Variants in MDGA2 observed in about 807,000 individuals in gnomAD.
The protein encoded by MDGA2 is MAM domain-containing glycosylphosphatidylinositol anchor protein 2.
MDGA2 carries 40 observed loss-of-function variants against 117.8 expected under a neutral mutation model. That is an observed-to-expected ratio of 0.34 (90% CI 0.26 to 0.44). MDGA2 has a LOEUF of 0.44. Ranked by LOEUF, MDGA2 falls within the 20% of genes least tolerant of loss-of-function variation. The pLI is 1.00. For synonymous variants in MDGA2, 452 were observed against 439.0 expected (o/e 1.03, Z -0.37); for missense variants, 1,123 against 1,250.6 (o/e 0.90, Z 1.54).
In MDGA2 at chr14:47,340,225, G is replaced by A. The variant is rs1007889909; in HGVS notation, c.281-38675C>T. On this transcript the variant is annotated intron_variant, in intron 1 of 16. Transcript: ENST00000399232. ...TCAGCACAACCAGAGATCACAGCAG[G>A]ATATACTCAATTGGAATGATTCTGG... is the stretch of plus-strand genomic sequence containing the variant. Among the ~76,000 whole-genome samples the A allele has an allele frequency of 3.3e-5, 5 of 152,110 alleles. No individual in the cohort carries two copies. In the East Asian group the frequency reaches 7.8e-4, roughly 24 times the overall value.
chr14:47,538,103 C>T (rs2138748071), intron 1 of MDGA2, among the ~76,000 whole-genome samples: 1 of 152,312 alleles, frequency 6.6e-6, no homozygotes, highest in South Asian at 2.1e-4. Flanking sequence ...TTGCTAGACT[C>T]TTTTAAGTCC....
intron 2 of MDGA2, among the ~76,000 whole-genome samples, chr14:47,229,783 A>T (rs535269982): frequency 2.6e-5 from 4 of 152,096 alleles, no homozygotes; most frequent in Admixed American, 2.0e-4. Context: ...TGTCATTTTT[A>T]TGTAGGTAAA....
chr14:47,597,164 C>T (rs1182591637), intron 1 of MDGA2, among the ~76,000 whole-genome samples: 1 of 151,858 alleles, frequency 6.6e-6, no homozygotes, highest in Non-Finnish European at 1.5e-5. Flanking sequence ...GAAAATTTCC[C>T]CTTAAAGGTT....
chr14:47,416,525 C>T (rs1892478984), intron 1 of MDGA2, among the ~76,000 whole-genome samples: 1 of 152,066 alleles, frequency 6.6e-6, no homozygotes, highest in Admixed American at 6.6e-5. Flanking sequence ...TGAAGGCTAC[C>T]CTGCTGGTCC....
chr14:46,875,807 A>G (rs1256297401), intron 12 of MDGA2, among the ~76,000 whole-genome samples: 1 of 151,672 alleles, frequency 6.6e-6, no homozygotes, highest in African/African-American at 2.4e-5. Context: ...AAAAAGAGTC[A>G]CAGAACAAAT....
chr14:47,055,101 T>A (rs1446712050), intron 7 of MDGA2, among the ~76,000 whole-genome samples: 1 of 150,214 alleles, frequency 6.7e-6, no homozygotes, highest in African/African-American at 2.5e-5. Flanking sequence ...TATCTCCAAA[T>A]GATTCACTGA....
intron 2 of MDGA2, among the ~76,000 whole-genome samples, chr14:47,271,360 T>C (rs17118276): frequency 0.029 from 4,473 of 152,314 alleles, 222 homozygotes; most frequent in African/African-American, 0.1. Flanking sequence ...CGAGCAAGTC[T>C]GTTGGCCAAC....
At chr14:47,488,446 G>A (rs2138648259) in intron 1 of MDGA2, among the ~76,000 whole-genome samples, 1 of 152,130 alleles carries the variant, frequency 6.6e-6, no homozygotes, top group African/African-American at 2.4e-5. Context: ...CTTTGTGACT[G>A]ATTTAGTCTT....
chr14:47,264,616 T>G (rs1887904167), intron 2 of MDGA2, among the ~76,000 whole-genome samples: 1 of 152,164 alleles, frequency 6.6e-6, no homozygotes. Context: ...AGTCAATATA[T>G]TTCACTTCAG....
In MDGA2 at chr14:47,458,089, C is replaced by G. The variant is rs79827263; in HGVS notation, c.281-156539G>C. 4.1e-4 allele frequency among the ~76,000 whole-genome samples: 62 copies of G among 150,310 alleles called. No homozygotes were observed. The East Asian group carries it at 0.012, about 28-fold the overall frequency. ...TACCTGCTGGCCATTTGTAAGTCTTCTTTGAGAAAATGTCTATTCAGGCAC... is the reference window on the plus strand; with the variant it reads ...TACCTGCTGGCCATTTGTAAGTCTTGTTTGAGAAAATGTCTATTCAGGCAC... On this transcript the variant is annotated intron_variant, in intron 1 of 16. Coordinates refer to ENST00000399232, the MANE Select transcript of MDGA2 (RefSeq NM_001113498.3).
At chr14:47,549,170 G>C (rs1474338866) in intron 1 of MDGA2, among the ~76,000 whole-genome samples, 1 of 152,102 alleles carries the variant, frequency 6.6e-6, no homozygotes, top group Non-Finnish European at 1.5e-5. Context: ...GGAAGCTGCT[G>C]GTTGGTAAGG....
chr14:47,487,999 G>GT (rs2054114400), intron 1 of MDGA2, among the ~76,000 whole-genome samples: 1 of 152,080 alleles, frequency 6.6e-6, no homozygotes, highest in Admixed American at 6.6e-5. Flanking sequence ...GTTAGGAATG[G>GT]TTTTTTGAAT....
Position 47,028,412 on chromosome 14 carries a change from T to C in MDGA2, c.1819+6599A>G, listed in dbSNP as rs193021750. 3.2e-3 allele frequency among the ~76,000 whole-genome samples: 488 copies of C among 152,276 alleles called. 7 individuals carry two copies. Among genetic ancestry groups the C allele is most frequent in the African/African-American group, 0.011 (460 of 41,568 alleles). ...GTGTAAATATATACAACCATTAGAATTATTTCCCAAACTATCTATATAGCC... is the reference window on the plus strand; with the variant it reads ...GTGTAAATATATACAACCATTAGAACTATTTCCCAAACTATCTATATAGCC... On this transcript the variant is annotated intron_variant, in intron 8 of 16. Transcript: ENST00000399232.
At chr14:47,072,059 T>C (rs1012136283) in intron 6 of MDGA2, among the ~76,000 whole-genome samples, 3 of 134,578 alleles carry the variant, frequency 2.2e-5, no homozygotes, top group Non-Finnish European at 4.6e-5. Flanking sequence ...CAAGTTTATA[T>C]TCTACGAAAA....
At chr14:47,098,700 T>A (rs72678485) in intron 5 of MDGA2, among the ~76,000 whole-genome samples, 16,976 of 151,918 alleles carry the variant, frequency 0.11, 1,089 homozygotes, top group Admixed American at 0.11. Context: ...CACAAGTATT[T>A]GATTAAAATA....
At chr14:47,519,566 C>T (rs934855525) in intron 1 of MDGA2, among the ~76,000 whole-genome samples, 2 of 152,010 alleles carry the variant, frequency 1.3e-5, no homozygotes, top group Non-Finnish European at 2.9e-5. Context: ...GATGAGTAAA[C>T]GCAAGTATAA....
rs74944321 is a variant in MDGA2, at chr14:47,581,393, T to C, written c.280+93124A>G. Among the ~76,000 whole-genome samples the C allele has an allele frequency of 1.0e-3, 158 of 152,114 alleles. 1 individual carries two copies. Among genetic ancestry groups the C allele is most frequent in the African/African-American group, 3.6e-3 (151 of 41,538 alleles). On this transcript the variant is annotated intron_variant, in intron 1 of 16. Transcript: ENST00000399232. ...TATTTGAGGATATAAGAATTGGGAA[T>C]TGTGAACAATCAAGTTTTTATGGAA... is the stretch of plus-strand genomic sequence containing the variant.
At chr14:47,513,733 T>G (rs1179307184) in intron 1 of MDGA2, among the ~76,000 whole-genome samples, 1 of 152,088 alleles carries the variant, frequency 6.6e-6, no homozygotes, top group Non-Finnish European at 1.5e-5. Flanking sequence ...GTACATTAAA[T>G]TGGCATTCCC....
At chr14:46,907,123 C>T (rs8013257) in intron 10 of MDGA2, among the ~76,000 whole-genome samples, 5,600 of 151,904 alleles carry the variant, frequency 0.037, 374 homozygotes, top group African/African-American at 0.13. Context: ...ATTACAGGCT[C>T]ATGCCACCAT....
Sources: allele counts gnomAD v4.1 joint callset (sites outside exome capture counted in the v4.1 genomes callset), GRCh38; gene constraint gnomAD v4.1.1; transcripts MANE v1.5; gene names NCBI Gene and HGNC (gene_info 2026-07-23, HGNC 2026-07-21).